The following PRKG1 variants were observed in gnomAD, a reference collection of about 807,000 sequenced individuals.
The protein encoded by PRKG1 is cGMP-dependent protein kinase 1.
Under a neutral mutation model 88.1 loss-of-function variants are expected in PRKG1, and 35 were observed. The ratio of observed to expected loss-of-function variants is 0.40; its 90% CI spans 0.30 to 0.53. The LOEUF is 0.53. Among genes scored for constraint, PRKG1 ranks in the 20% least tolerant of loss-of-function variants. The pLI is 0.59. For synonymous variants in PRKG1, 303 were observed against 292.5 expected (o/e 1.04, Z -0.37); for missense variants, 540 against 839.8 (o/e 0.64, Z 4.41).
intron 10 of PRKG1, among the ~76,000 whole-genome samples, chr10:52,266,119 C>A (rs923711835): frequency 6.6e-6 from 1 of 151,722 alleles, no homozygotes; most frequent in Non-Finnish European, 1.5e-5. Flanking sequence ...ACGCTGAACC[C>A]AATTACCCCT....
intron 3 of PRKG1, among the ~76,000 whole-genome samples, chr10:51,742,541 A>C (rs543283703): frequency 1.3e-5 from 2 of 152,200 alleles, no homozygotes; most frequent in Non-Finnish European, 2.9e-5. Context: ...GAAAGAGGTA[A>C]GACCCTCAGC....
chr10:51,501,707 CTT>C (rs1841028469), intron 3 of PRKG1, among the ~76,000 whole-genome samples: 1 of 151,442 alleles, frequency 6.6e-6, no homozygotes, highest in African/African-American at 2.4e-5. Context: ...GTTATTAACA[CTT>C]TGGCAAAACT....
chr10:51,375,210 T>C (rs947506994), intron 2 of PRKG1, among the ~76,000 whole-genome samples: 5 of 152,130 alleles, frequency 3.3e-5, no homozygotes, highest in Non-Finnish European at 7.4e-5. Flanking sequence ...GTTAGAAAGA[T>C]TATTTAACTT....
intron 7 of PRKG1, among the ~76,000 whole-genome samples, chr10:52,129,172 G>A (rs1837187711): frequency 1.3e-5 from 2 of 152,136 alleles, no homozygotes; most frequent in African/African-American, 2.4e-5. Context: ...GACGTGAAAT[G>A]CCCGCTAACT....
chr10:51,174,010 A>G (rs1837122806), intron 2 of PRKG1, among the ~76,000 whole-genome samples: 1 of 151,938 alleles, frequency 6.6e-6, no homozygotes, highest in African/African-American at 2.4e-5. Context: ...TGAGGGAGAA[A>G]GAAGTATCCC....
intron 1 of PRKG1, among the ~76,000 whole-genome samples, chr10:51,049,844 G>T (rs1407458234): frequency 6.6e-6 from 1 of 152,014 alleles, no homozygotes; most frequent in Admixed American, 6.6e-5. Context: ...CTTGCTTTAT[G>T]AACATTAAAA....
intron 3 of PRKG1, among the ~76,000 whole-genome samples, chr10:51,756,484 C>CAA (rs55967411): frequency 0.42 from 45,210 of 107,212 alleles, 8,593 homozygotes; most frequent in Middle Eastern, 0.57. Context: ...GAGACTGTCT[C>CAA]AAAAAAAAAA....
chr10:51,579,475 G>A (rs1837975421), intron 3 of PRKG1, among the ~76,000 whole-genome samples: 1 of 151,980 alleles, frequency 6.6e-6, no homozygotes, highest in Non-Finnish European at 1.5e-5. Flanking sequence ...GTTAGATTAA[G>A]GAAAATAAAG....
chr10:51,384,717 C>T (rs1487605096), intron 2 of PRKG1, among the ~76,000 whole-genome samples: 1 of 152,144 alleles, frequency 6.6e-6, no homozygotes, highest in Non-Finnish European at 1.5e-5. Context: ...AGCTTCCACT[C>T]TCAGCAGCAG....
At chr10:51,838,116 T>A (rs931344483) in intron 4 of PRKG1, among the ~76,000 whole-genome samples, 1 of 152,174 alleles carries the variant, frequency 6.6e-6, no homozygotes, top group African/African-American at 2.4e-5. Context: ...AAAACACTTA[T>A]CAATAAAAAA....
intron 9 of PRKG1, among the ~76,000 whole-genome samples, chr10:52,239,521 TAAAAAA>T: frequency 1.1e-4 from 6 of 56,738 alleles, no homozygotes; most frequent in African/African-American, 2.4e-4. Flanking sequence ...TTCTACAGTG[TAAAAAA>T]AAAAAAAAAA....
intron 4 of PRKG1, among the ~76,000 whole-genome samples, chr10:51,844,920 G>A (rs1275273886): frequency 6.6e-6 from 1 of 152,054 alleles, no homozygotes; most frequent in African/African-American, 2.4e-5. Flanking sequence ...TGCTTTTTGA[G>A]GACTCCAAAT....
intron 1 of PRKG1, among the ~76,000 whole-genome samples, chr10:51,106,444 A>G (rs776234433): frequency 1.3e-5 from 2 of 152,198 alleles, no homozygotes; most frequent in South Asian, 4.1e-4. Flanking sequence ...GGACTGAGAA[A>G]TTCCAAGAAA....
chr10:52,187,973 A>G (rs956179287), intron 9 of PRKG1, among the ~76,000 whole-genome samples: 1 of 152,090 alleles, frequency 6.6e-6, no homozygotes, highest in Non-Finnish European at 1.5e-5. Context: ...CAAGGAGAAT[A>G]ATAAATTAAA....
At chr10:51,762,584 G>A (rs537962779) in intron 3 of PRKG1, among the ~76,000 whole-genome samples, 2 of 152,248 alleles carry the variant, frequency 1.3e-5, no homozygotes, top group South Asian at 2.1e-4. Context: ...AAACTTAGCT[G>A]TTATAGCAAT....
At chr10:51,633,695 A>G (rs1839583761) in intron 3 of PRKG1, among the ~76,000 whole-genome samples, 1 of 152,174 alleles carries the variant, frequency 6.6e-6, no homozygotes, top group African/African-American at 2.4e-5. Flanking sequence ...GCAGATGGTT[A>G]TCATTTGGGG....
intron 3 of PRKG1, among the ~76,000 whole-genome samples, chr10:51,608,456 T>C (rs563810882): frequency 6.6e-6 from 1 of 152,366 alleles, no homozygotes; most frequent in East Asian, 1.9e-4. Flanking sequence ...ATTCAGTTCT[T>C]CTGTGAGAGT....
intron 3 of PRKG1, among the ~76,000 whole-genome samples, chr10:51,763,018 A>G (rs535853193): frequency 1.4e-4 from 22 of 152,174 alleles, no homozygotes; most frequent in Non-Finnish European, 2.4e-4. Flanking sequence ...AATTACTTGT[A>G]ATAATAATTA....
chr10:51,618,063 T>A (rs889671465), intron 3 of PRKG1, among the ~76,000 whole-genome samples: 5 of 152,194 alleles, frequency 3.3e-5, no homozygotes, highest in African/African-American at 9.7e-5. Flanking sequence ...AGAAGGTCTT[T>A]TTCATTGTGT....
Sources: gnomAD v4.1 joint callset for allele counts (sites outside exome capture counted in the v4.1 genomes callset) on GRCh38, gnomAD v4.1.1 for gene constraint, MANE v1.5 for transcripts, NCBI Gene and HGNC (gene_info 2026-07-23, HGNC 2026-07-21) for gene names.